The following LRMDA variants were observed in gnomAD, a reference collection of about 807,000 sequenced individuals.
The protein encoded by LRMDA is leucine rich melanocyte differentiation associated, also known as leucine-rich melanocyte differentiation-associated protein.
Under a neutral mutation model 29.8 loss-of-function variants are expected in LRMDA, and 18 were observed. That is an observed-to-expected ratio of 0.60 (90% confidence interval 0.42 to 0.90). LRMDA has a LOEUF of 0.90. Ranked by LOEUF, LRMDA falls within the 40% of genes least tolerant of loss-of-function variation. LRMDA has a pLI of 0.00. For synonymous variants in LRMDA, 125 were observed against 109.4 expected, an observed-to-expected ratio of 1.14 and a Z score of -0.89; for missense variants, 273 against 273.9, an observed-to-expected ratio of 1.00 and a Z score of 0.02.
At chr10:76,203,264 A>G (rs570262329) in intron 5 of LRMDA, among the ~76,000 whole-genome samples, 23 of 152,328 alleles carry the variant, frequency 1.5e-4, no homozygotes, top group Middle Eastern at 3.4e-3. Context: ...CTTCACTTGT[A>G]AAATGAGAAG....
chr10:76,185,219 C>T (rs1406597630), intron 5 of LRMDA, among the ~76,000 whole-genome samples: 3 of 152,132 alleles, frequency 2.0e-5, no homozygotes, highest in Non-Finnish European at 4.4e-5. Context: ...ATCCAAATTC[C>T]AGCCTGCCTG....
chr10:76,285,445 AAT>A (rs202217549), intron 5 of LRMDA, among the ~76,000 whole-genome samples: 4 of 143,346 alleles, frequency 2.8e-5, no homozygotes, highest in Non-Finnish European at 6.2e-5. Flanking sequence ...AAAAAAAAAA[AAT>A]AGATGTAACC....
intron 5 of LRMDA, among the ~76,000 whole-genome samples, chr10:76,181,831 G>C (rs1253031863): frequency 6.6e-6 from 1 of 152,216 alleles, no homozygotes; most frequent in Non-Finnish European, 1.5e-5. Context: ...TCACAGGGGT[G>C]CTTGTTGTCT....
At chr10:75,687,419 A>G (rs1028707856) in intron 2 of LRMDA, among the ~76,000 whole-genome samples, 1 of 152,240 alleles carries the variant, frequency 6.6e-6, no homozygotes, top group African/African-American at 2.4e-5. Flanking sequence ...CAGCCACAAC[A>G]TTCCCTTAAG....
chr10:75,444,592 C>T (rs955545551), intron 2 of LRMDA, among the ~76,000 whole-genome samples: 9 of 152,188 alleles, frequency 5.9e-5, no homozygotes, highest in African/African-American at 1.4e-4. Flanking sequence ...GATCAGGTAA[C>T]AGGCAGGGGG....
chr10:75,613,652 T>A (rs1282362767), intron 2 of LRMDA, among the ~76,000 whole-genome samples: 1 of 152,170 alleles, frequency 6.6e-6, no homozygotes, highest in African/African-American at 2.4e-5. Flanking sequence ...AAAACAAGAT[T>A]TCTTATGCAA....
chr10:76,169,474 G>A (rs549837608), intron 5 of LRMDA, among the ~76,000 whole-genome samples: 1 of 152,254 alleles, frequency 6.6e-6, no homozygotes, highest in South Asian at 2.1e-4. Context: ...GAGCCCTTCT[G>A]TTAGAGCAGA....
chr10:75,759,276 G>A (rs1843067319), intron 2 of LRMDA, among the ~76,000 whole-genome samples: 1 of 152,142 alleles, frequency 6.6e-6, no homozygotes, highest in South Asian at 2.1e-4. Flanking sequence ...TCTATTATTT[G>A]TATTTTATTC....
At chr10:76,030,992 C>T (rs570031705) in intron 2 of LRMDA, among the ~76,000 whole-genome samples, 23 of 152,326 alleles carry the variant, frequency 1.5e-4, no homozygotes, top group Admixed American at 4.6e-4. Context: ...GTGCCAGGCA[C>T]TGCAGTTGGA....
intron 2 of LRMDA, among the ~76,000 whole-genome samples, chr10:76,007,029 T>TGCGC (rs1554840198): frequency 4.7e-4 from 13 of 27,410 alleles, no homozygotes; most frequent in Admixed American, 8.4e-4. Context: ...TGTGTGTGTG[T>TGCGC]GTGCGCGTGT....
At position 76,377,445 on chromosome 10, in the gene LRMDA, T is replaced by C. The variant is rs183078522; in HGVS notation, c.601+52960T>C. Among the ~76,000 whole-genome samples, 13 of 152,348 alleles carry C rather than the reference T, an allele frequency of 8.5e-5. No individual in the cohort carries two copies. The East Asian group carries it at 2.5e-3, about 29-fold the overall frequency. On this transcript the variant is annotated intron_variant, in intron 6 of 6. Transcript: ENST00000611255. ...GTTTTTGTTGCATTTGATTTGGGGCTCTTAGTTACAAATTCTTTGCCTAGG... is the reference window on the plus strand; with the variant it reads ...GTTTTTGTTGCATTTGATTTGGGGCCCTTAGTTACAAATTCTTTGCCTAGG...
intron 5 of LRMDA, among the ~76,000 whole-genome samples, chr10:76,201,372 C>T (rs1851428521): frequency 6.6e-6 from 1 of 152,182 alleles, no homozygotes. Context: ...GGATTACAGG[C>T]GTGAGCCCCA....
intron 6 of LRMDA, among the ~76,000 whole-genome samples, chr10:76,531,045 C>A (rs1053614370): frequency 6.6e-6 from 1 of 152,060 alleles, no homozygotes; most frequent in African/African-American, 2.4e-5. Flanking sequence ...GGTTTGGGGG[C>A]AGATATTTTG....
At chr10:76,054,333 C>T (rs1848575616) in intron 4 of LRMDA, among the ~76,000 whole-genome samples, 1 of 152,088 alleles carries the variant, frequency 6.6e-6, no homozygotes, top group African/African-American at 2.4e-5. Context: ...GGGTGACTGG[C>T]AGCCTGTGTC....
At chr10:75,973,018 ACAACAGCAGCAG>A (rs1041578330) in intron 2 of LRMDA, among the ~76,000 whole-genome samples, 3 of 134,164 alleles carry the variant, frequency 2.2e-5, no homozygotes, top group African/African-American at 8.4e-5. Flanking sequence ...AACCACTTTA[ACAACAGCAGCAG>A]CAGCAGCAGC....
chr10:76,195,040 A>G (rs968529700), intron 5 of LRMDA, among the ~76,000 whole-genome samples: 1 of 152,210 alleles, frequency 6.6e-6, no homozygotes, highest in Non-Finnish European at 1.5e-5. Flanking sequence ...ATTCATTTTT[A>G]CAGGCCTCCT....
chr10:75,636,185 GAAAGA>G (rs962501691), intron 2 of LRMDA, among the ~76,000 whole-genome samples: 32 of 152,192 alleles, frequency 2.1e-4, no homozygotes, highest in Admixed American at 2.1e-3. Flanking sequence ...GTTATTCCTG[GAAAGA>G]AATATTGCAT....
At chr10:76,197,272 G>A (rs993733783) in intron 5 of LRMDA, among the ~76,000 whole-genome samples, 2 of 152,178 alleles carry the variant, frequency 1.3e-5, no homozygotes, top group African/African-American at 4.8e-5. Flanking sequence ...ATTTCATGAA[G>A]GAATGATCAG....
At chr10:75,702,317 C>A (rs1842318554) in intron 2 of LRMDA, among the ~76,000 whole-genome samples, 1 of 152,104 alleles carries the variant, frequency 6.6e-6, no homozygotes, top group African/African-American at 2.4e-5. Context: ...CAATATTTGC[C>A]AACTGGATAG....
Sources: gnomAD v4.1 joint callset for allele counts (sites outside exome capture counted in the v4.1 genomes callset) on GRCh38, gnomAD v4.1.1 for gene constraint, MANE v1.5 for transcripts, NCBI Gene and HGNC (gene_info 2026-07-23, HGNC 2026-07-21) for gene names.